SERPINE2: variants seen among roughly 807,000 people sequenced by gnomAD.
The protein encoded by SERPINE2 is glia-derived nexin.
A neutral mutation model predicts 36.3 loss-of-function variants in SERPINE2; 14 were observed. The ratio of observed to expected loss-of-function variants is 0.39; its 90% CI spans 0.25 to 0.60. The LOEUF is 0.60. SERPINE2 is among the 20% of genes least tolerant of loss of function. SERPINE2 has a pLI of 0.57. For missense variants in SERPINE2, 418 were observed against 499.6 expected, an observed-to-expected ratio of 0.84 and a Z score of 1.56; for synonymous variants, 192 against 191.8, an observed-to-expected ratio of 1.00 and a Z score of -0.01.
chr2:224,030,909 A>C (rs1485473874), intron 1 of SERPINE2: 43 of 964,392 alleles, frequency 4.5e-5, no homozygotes, highest in Non-Finnish European at 5.2e-5. Flanking sequence ...TTTCAGTCCC[A>C]GAAAAAAACA....
intron 1 of SERPINE2, among the ~76,000 whole-genome samples, chr2:224,026,485 C>G (rs1331432443): frequency 6.6e-6 from 1 of 152,126 alleles, no homozygotes; most frequent in Non-Finnish European, 1.5e-5. Context: ...GAATTTCAGG[C>G]GAATTTGCCT....
intron 5 of SERPINE2, among the ~76,000 whole-genome samples, chr2:223,983,040 C>T (rs1690281451): frequency 6.6e-6 from 1 of 152,124 alleles, no homozygotes; most frequent in South Asian, 2.1e-4. Flanking sequence ...AATGGGCCCC[C>T]TGTTCCAATA....
At chr2:224,033,195 A>G (rs886666634) in intron 1 of SERPINE2, among the ~76,000 whole-genome samples, 13 of 152,218 alleles carry the variant, frequency 8.5e-5, no homozygotes, top group African/African-American at 3.1e-4. Context: ...CAAAGAGAAG[A>G]TGGGCACATT....
At chr2:223,987,646 A>G (rs548510167) in intron 4 of SERPINE2, among the ~76,000 whole-genome samples, 22 of 152,254 alleles carry the variant, frequency 1.4e-4, no homozygotes, top group Non-Finnish European at 2.8e-4. Flanking sequence ...ATGGTGGTCA[A>G]CAAAACTTCT....
At chr2:224,001,162 G>T (rs1340731965) in intron 2 of SERPINE2, among the ~76,000 whole-genome samples, 2 of 152,216 alleles carry the variant, frequency 1.3e-5, no homozygotes, top group South Asian at 2.1e-4. Flanking sequence ...GGGGAGGGGG[G>T]TCTGTGCAAC....
At chr2:223,988,267 C>G (rs956982731) in intron 4 of SERPINE2, among the ~76,000 whole-genome samples, 15 of 152,178 alleles carry the variant, frequency 9.9e-5, no homozygotes, top group African/African-American at 3.6e-4. Context: ...ATCCTGGGCT[C>G]AAGTGAACCC....
intron 1 of SERPINE2, among the ~76,000 whole-genome samples, chr2:224,005,075 A>ATTTTATATATATTATATATT (rs1691361904): frequency 1.3e-4 from 1 of 7,992 alleles, no homozygotes; most frequent in Non-Finnish European, 4.4e-4. Flanking sequence ...TTATATATAT[A>ATTTTATATATATTATATATT]TATATATATA....
rs190052358 is a variant in SERPINE2 at position 224,016,658 on chromosome 2, C to A, written c.-22-14736G>T. 2.0e-3 allele frequency among the ~76,000 whole-genome samples: 301 copies of A among 152,090 alleles called. 2 individuals carry two copies. The highest frequency in any genetic ancestry group is 3.3e-3 in the Non-Finnish European group (227 of 68,010). ...TTAGAGAGAAATGAAAATCATTTCA[C>A]ATAAAAACCTGTATACCAATGTTCA... On this transcript the variant is annotated intron_variant, in intron 1 of 8. Transcript: ENST00000409304.
At chr2:224,001,612 C>G (rs760918976) in intron 2 of SERPINE2, 30 bp downstream of exon 2, 1 of 1,595,578 alleles carries the variant, frequency 6.3e-7, no homozygotes, top group African/African-American at 1.3e-5. Context: ...CAGGCAAAGG[C>G]TCCGCCAGTG....
chr2:223,986,336 G>A (rs1181395740), intron 4 of SERPINE2, among the ~76,000 whole-genome samples: 2 of 152,130 alleles, frequency 1.3e-5, no homozygotes, highest in African/African-American at 2.4e-5. Flanking sequence ...AGTAACCCGG[G>A]TGCAGCTCGC....
chr2:224,008,896 A>G (rs1034216249), intron 1 of SERPINE2, among the ~76,000 whole-genome samples: 4 of 152,240 alleles, frequency 2.6e-5, no homozygotes, highest in Non-Finnish European at 5.9e-5. Context: ...CGATGGCTCA[A>G]ACATCACTGG....
In SERPINE2 at chr2:224,000,316, G is replaced by C. The variant is rs114369894; in HGVS notation, c.259+1326C>G. On this transcript the variant is annotated intron_variant, in intron 2 of 8. Transcript: ENST00000409304. ...GGGGGAGCCAGTCCTGCTCCCCTGA[G>C]CACTGCATTTATGGAGACAGCAGGT... is the stretch of plus-strand genomic sequence containing the variant. Among the ~76,000 whole-genome samples the C allele has an allele frequency of 6.6e-3, 1,009 of 152,262 alleles. 15 individuals carry two copies. The highest frequency in any genetic ancestry group is 0.023 in the African/African-American group (966 of 41,540).
chr2:224,014,180 T>C (rs890505519), intron 1 of SERPINE2, among the ~76,000 whole-genome samples: 2 of 151,898 alleles, frequency 1.3e-5, no homozygotes, highest in African/African-American at 2.4e-5. Context: ...ATCGAGACCA[T>C]CCTGGCTAAC....
intron 1 of SERPINE2, among the ~76,000 whole-genome samples, chr2:224,035,631 A>C (rs1692511110): frequency 6.6e-6 from 1 of 152,174 alleles, no homozygotes; most frequent in African/African-American, 2.4e-5. Flanking sequence ...AGCCTCCCAC[A>C]GTGCTGGGAT....
At chr2:223,993,528 A>ATGTGTGTGTGTGTGTGTG (rs1344521820) in intron 3 of SERPINE2, among the ~76,000 whole-genome samples, 3 of 72,452 alleles carry the variant, frequency 4.1e-5, no homozygotes, top group African/African-American at 1.4e-4. Flanking sequence ...TAGCTCAAAT[A>ATGTGTGTGTGTGTGTGTG]TATGTGTGTG....
chr2:223,981,981 T>G (rs1332665227), intron 6 of SERPINE2: 2 of 151,924 alleles, frequency 1.3e-5, no homozygotes, highest in Non-Finnish European at 2.9e-5. Context: ...AGAGCCAATA[T>G]TCATAAAAGC....
chr2:224,025,679 T>C (rs1299934455), intron 1 of SERPINE2, among the ~76,000 whole-genome samples: 1 of 152,222 alleles, frequency 6.6e-6, no homozygotes, highest in African/African-American at 2.4e-5. Flanking sequence ...GTAACCATTC[T>C]TCTAAGCACA....
chr2:224,038,457 C>T, intron 1 of SERPINE2: 3 of 1,546,526 alleles, frequency 1.9e-6, no homozygotes, highest in Non-Finnish European at 2.6e-6. Context: ...CTAATTCCTT[C>T]CAGAATTTCT....
intron 1 of SERPINE2, among the ~76,000 whole-genome samples, chr2:224,024,046 A>G (rs1692101930): frequency 6.6e-6 from 1 of 152,242 alleles, no homozygotes; most frequent in Non-Finnish European, 1.5e-5. Context: ...GGGAAAAATG[A>G]TATGAGCCAT....
Sources: allele counts gnomAD v4.1 joint callset (sites outside exome capture counted in the v4.1 genomes callset), GRCh38; gene constraint gnomAD v4.1.1; transcripts MANE v1.5; gene names NCBI Gene and HGNC (gene_info 2026-07-23, HGNC 2026-07-21).